Variants in TAS2R1 observed in about 807,000 individuals in gnomAD.
TAS2R1 encodes the protein taste 2 receptor member 1, also known as taste receptor type 2 member 1.
For synonymous variants in TAS2R1, 141 were observed against 134.2 expected (o/e 1.05, Z -0.35); for missense variants, 370 against 353.4 (o/e 1.05, Z -0.38).
intron 1 of TAS2R1, among the ~76,000 whole-genome samples, chr5:9,709,357 C>A (rs1741686305): frequency 6.6e-6 from 1 of 152,080 alleles, no homozygotes; most frequent in Non-Finnish European, 1.5e-5. Flanking sequence ...CCCAAATCAT[C>A]ATTCTACTGA....
chr5:9,880,390 T>C, the TAS2R1 span, among the ~76,000 whole-genome samples: 2 of 152,298 alleles, frequency 1.3e-5, no homozygotes, highest in East Asian at 1.9e-4. Context: ...CCTAGGAGAA[T>C]AGCTGGGCCA....
chr5:9,638,116 C>T (rs1196497854), intron 2 of TAS2R1, among the ~76,000 whole-genome samples: 4 of 152,176 alleles, frequency 2.6e-5, no homozygotes, highest in African/African-American at 9.7e-5. Context: ...ATGGGGTGAT[C>T]CCTCAATGTG....
chr5:9,653,333 T>C (rs1320082342), intron 2 of TAS2R1, among the ~76,000 whole-genome samples: 1 of 152,226 alleles, frequency 6.6e-6, no homozygotes, highest in Non-Finnish European at 1.5e-5. Flanking sequence ...TGTTGTAGCA[T>C]ATGTCAGAAT....
At chr5:9,631,005 C>A (rs567923244), upstream of TAS2R1, among the ~76,000 whole-genome samples, 8 of 152,250 alleles carry the variant, frequency 5.3e-5, no homozygotes, top group African/African-American at 1.7e-4. Flanking sequence ...TTGTTAGGCA[C>A]GGGCTGTCCT....
At chr5:9,875,224 G>T in the TAS2R1 span, among the ~76,000 whole-genome samples, 6 of 152,174 alleles carry the variant, frequency 3.9e-5, no homozygotes, top group Admixed American at 6.5e-5. Context: ...TGAGGGAGCG[G>T]GCAGGAGCCA....
At chr5:9,680,418 C>T (rs1740970083) in intron 1 of TAS2R1, among the ~76,000 whole-genome samples, 2 of 151,636 alleles carry the variant, frequency 1.3e-5, no homozygotes, top group African/African-American at 4.9e-5. Context: ...ACTGCAGTGT[C>T]GAAAGGAAGA....
the TAS2R1 span, among the ~76,000 whole-genome samples, chr5:9,893,479 G>T: frequency 1.3e-5 from 2 of 152,174 alleles, no homozygotes; most frequent in African/African-American, 4.8e-5. Flanking sequence ...AGTACCTAGA[G>T]CCCAAGGGAT....
At chr5:9,715,747 A>C (rs1734797715), upstream of TAS2R1, among the ~76,000 whole-genome samples, 1 of 152,210 alleles carries the variant, frequency 6.6e-6, no homozygotes. Context: ...CCCTCTACCT[A>C]GATTGTTAAT....
At chr5:9,642,593 T>G (rs760693171) in intron 2 of TAS2R1, among the ~76,000 whole-genome samples, 49 of 152,310 alleles carry the variant, frequency 3.2e-4, no homozygotes, top group Non-Finnish European at 6.0e-4. Flanking sequence ...AGACTAAAAT[T>G]TTTGTCTTTA....
At chr5:9,836,586 A>G in the TAS2R1 span, among the ~76,000 whole-genome samples, 1 of 152,208 alleles carries the variant, frequency 6.6e-6, no homozygotes. Flanking sequence ...ACTGCTATGT[A>G]TAATGGAATG....
chr5:9,638,024 C>A (rs1739997662), intron 2 of TAS2R1, among the ~76,000 whole-genome samples: 1 of 152,142 alleles, frequency 6.6e-6, no homozygotes, highest in South Asian at 2.1e-4. Flanking sequence ...ACCAGAATTG[C>A]TTTTCTTGTT....
At chr5:9,845,193 AAG>A in the TAS2R1 span, among the ~76,000 whole-genome samples, 3 of 152,272 alleles carry the variant, frequency 2.0e-5, no homozygotes, top group East Asian at 5.8e-4. Context: ...AAGAGGAAGA[AAG>A]AGATCTTTCT....
chr5:9,898,861 A>T, the TAS2R1 span, among the ~76,000 whole-genome samples: 1 of 152,186 alleles, frequency 6.6e-6, no homozygotes, highest in East Asian at 1.9e-4. Context: ...GATCATGCGC[A>T]CCACCCATTT....
chr5:9,629,482 G>T (rs866622597), downstream of TAS2R1: 1 of 1,614,082 alleles, frequency 6.2e-7, no homozygotes, highest in Non-Finnish European at 8.5e-7. Flanking sequence ...CAATGGCACT[G>T]AGAACTCAGC....
At chr5:9,841,840 G>A in the TAS2R1 span, among the ~76,000 whole-genome samples, 2 of 152,194 alleles carry the variant, frequency 1.3e-5, no homozygotes, top group Non-Finnish European at 2.9e-5. Flanking sequence ...TAAACTTGAT[G>A]TTCTCCAGCT....
At chr5:9,666,300 G>C (rs1179378512) in intron 1 of TAS2R1, among the ~76,000 whole-genome samples, 1 of 152,150 alleles carries the variant, frequency 6.6e-6, no homozygotes, top group Admixed American at 6.6e-5. Flanking sequence ...GATGGGCCTA[G>C]GGCACTAGAG....
chr5:9,666,748 A>C (rs1740641243), intron 1 of TAS2R1, among the ~76,000 whole-genome samples: 1 of 152,220 alleles, frequency 6.6e-6, no homozygotes, highest in Non-Finnish European at 1.5e-5. Context: ...CAAAACTAAC[A>C]GGTAACATCA....
At chr5:9,637,978 T>C (rs1445160347) in intron 2 of TAS2R1, among the ~76,000 whole-genome samples, 1 of 152,346 alleles carries the variant, frequency 6.6e-6, no homozygotes, top group East Asian at 1.9e-4. Flanking sequence ...GTGTGTGTGA[T>C]GTTTTGGGGT....
the TAS2R1 span, among the ~76,000 whole-genome samples, chr5:9,775,557 GT>G: frequency 6.6e-6 from 1 of 152,176 alleles, no homozygotes; most frequent in South Asian, 2.1e-4. Context: ...AAGCCAGGAT[GT>G]TTCTGAGTCT....
Sources: allele counts gnomAD v4.1 joint callset (sites outside exome capture counted in the v4.1 genomes callset), GRCh38; gene constraint gnomAD v4.1.1; transcripts MANE v1.5; gene names NCBI Gene and HGNC (gene_info 2026-07-23, HGNC 2026-07-21).